The following USP24 variants were observed in gnomAD, a reference collection of about 807,000 sequenced individuals.
USP24 encodes ubiquitin carboxyl-terminal hydrolase 24.
A neutral mutation model predicts 361.6 loss-of-function variants in USP24; 97 were observed. That is an observed-to-expected ratio of 0.27 (90% CI 0.23 to 0.32). USP24 has a LOEUF of 0.32. Ranked by LOEUF, USP24 falls within the 10% of genes least tolerant of loss-of-function variation. The pLI is 1.00. For missense variants in USP24, 2,353 were observed against 3,165.6 expected (o/e 0.74, Z 6.16); for synonymous variants, 1,098 against 1,124.6 (o/e 0.98, Z 0.47).
chr1:55,102,113 T>C (rs6702290), intron 42 of USP24, among the ~76,000 whole-genome samples: 1 of 152,102 alleles, frequency 6.6e-6, no homozygotes, highest in Non-Finnish European at 1.5e-5. Context: ...CAAGCAAATG[T>C]CCTACTATAT....
intron 32 of USP24, 139 bp downstream of exon 32, chr1:55,129,338 C>G: frequency 1.7e-6 from 1 of 579,500 alleles, no homozygotes; most frequent in Non-Finnish European, 2.9e-6. Flanking sequence ...AGGACTGAAA[C>G]ATCATTCCTT....
intron 42 of USP24, among the ~76,000 whole-genome samples, chr1:55,103,119 T>A (rs1645680935): frequency 6.6e-6 from 1 of 152,226 alleles, no homozygotes; most frequent in Non-Finnish European, 1.5e-5. Context: ...ACCTGCAATA[T>A]ACTTCCCTCT....
chr1:55,110,738 A>C (rs1433194169), intron 38 of USP24, among the ~76,000 whole-genome samples: 2 of 152,124 alleles, frequency 1.3e-5, no homozygotes, highest in African/African-American at 2.4e-5. Context: ...ATGATCAAAG[A>C]AGCTTTTTCT....
intron 24 of USP24, among the ~76,000 whole-genome samples, chr1:55,139,722 T>C (rs57357765): frequency 0.059 from 8,951 of 152,268 alleles, 347 homozygotes; most frequent in African/African-American, 0.11. Context: ...AAAGAGGTAC[T>C]ACCATTTTTT....
chr1:55,176,496 C>T (rs751188158), intron 2 of USP24, 53 bp from the exon 3 acceptor site: 26 of 1,488,152 alleles, frequency 1.7e-5, no homozygotes, highest in Non-Finnish European at 2.3e-5. Flanking sequence ...CTCAGAAAGA[C>T]CTTAGTAAAA....
intron 26 of USP24, 75 bp from the exon 27 acceptor site, chr1:55,137,979 A>G: frequency 7.2e-7 from 1 of 1,390,714 alleles, no homozygotes; most frequent in Non-Finnish European, 9.9e-7. Context: ...GTGAACATCT[A>G]CTAGGTACTG....
chr1:55,103,130 C>T lies in USP24; in HGVS notation c.5025+746G>A, dbSNP rs373949350. Among the ~76,000 whole-genome samples the T allele has an allele frequency of 1.4e-4, 22 of 152,314 alleles. 1 individual carries two copies. In the South Asian group the frequency reaches 2.1e-3, roughly 14 times the overall value. ...GTGGACCTGCAATATACTTCCCTCT[C>T]GCAGATCCCAACATACACTAAGCTA... On this transcript the variant is annotated intron_variant, in intron 42 of 67. Transcript: ENST00000294383.
At chr1:55,213,635 T>C (rs975135822) in intron 1 of USP24, among the ~76,000 whole-genome samples, 15 of 152,236 alleles carry the variant, frequency 9.9e-5, no homozygotes, top group Non-Finnish European at 1.6e-4. Flanking sequence ...CAAGCTGCTC[T>C]ACTGGCCCCT....
chr1:55,202,685 G>A (rs1043334066), intron 1 of USP24, among the ~76,000 whole-genome samples: 4 of 152,138 alleles, frequency 2.6e-5, no homozygotes, highest in Non-Finnish European at 5.9e-5. Flanking sequence ...GATTACAGGC[G>A]TGAGCCACCA....
chr1:55,185,431 A>G (rs778819211), intron 1 of USP24, among the ~76,000 whole-genome samples: 1 of 151,896 alleles, frequency 6.6e-6, no homozygotes, highest in Non-Finnish European at 1.5e-5. Flanking sequence ...ATATATAATA[A>G]ATAAAACCAA....
chr1:55,172,788 TA>T, intron 3 of USP24, among the ~76,000 whole-genome samples: 1 of 152,206 alleles, frequency 6.6e-6, no homozygotes, highest in East Asian at 1.9e-4. Flanking sequence ...CTACTTTTCA[TA>T]ATTACAAGGG....
chr1:55,178,584 G>A (rs1157862071), intron 1 of USP24, among the ~76,000 whole-genome samples: 1 of 151,940 alleles, frequency 6.6e-6, no homozygotes, highest in Admixed American at 6.6e-5. Flanking sequence ...CAGGAGAATG[G>A]CGTGAACCCG....
chr1:55,178,784 G>C (rs1317368868), intron 1 of USP24, among the ~76,000 whole-genome samples: 5 of 152,074 alleles, frequency 3.3e-5, no homozygotes, highest in African/African-American at 4.8e-5. Context: ...CTAGCACTTT[G>C]GGAGGCTGAG....
intron 55 of USP24, chr1:55,086,367 A>T: frequency 3.2e-6 from 1 of 310,542 alleles, no homozygotes; most frequent in Non-Finnish European, 6.2e-6. Context: ...TGAAGGGAAT[A>T]CCTAGAGGAT....
Position 55,125,832 on chromosome 1 carries a change from T to A in USP24, c.3636-74A>T. On this transcript the variant is annotated intron_variant, in intron 32 of 67. Coordinates refer to ENST00000294383, the MANE Select transcript of USP24 (RefSeq NM_015306.3). Reference sequence around the variant, plus strand: ...TTCATTTTAAATTTTCCATAAGTAATGTAATCAGTCATCATCAATTACTTA... The same window carrying A: ...TTCATTTTAAATTTTCCATAAGTAAAGTAATCAGTCATCATCAATTACTTA... The A allele has an allele frequency of 4.0e-6, 5 of 1,247,674 alleles. No individual in the cohort carries two copies. In the South Asian group the frequency reaches 7.0e-5, roughly 17 times the overall value. The allele number at this position is 1,247,674 out of a possible 1,614,324, so 77.3% of individuals were successfully genotyped here.
chr1:55,177,851 A>G, intron 2 of USP24, 116 bp downstream of exon 2: 1 of 971,504 alleles, frequency 1.0e-6, no homozygotes. Flanking sequence ...AGTGAAGACT[A>G]AGAGAATAAA....
intron 21 of USP24, 123 bp downstream of exon 21, chr1:55,144,004 G>A: frequency 1.4e-6 from 1 of 718,090 alleles, no homozygotes; most frequent in Non-Finnish European, 2.2e-6. Context: ...TGGCAGTCAA[G>A]GAGATGCTGT....
chr1:55,121,579 T>G, intron 36 of USP24, 73 bp from the exon 37 acceptor site: 1 of 1,292,206 alleles, frequency 7.7e-7, no homozygotes, highest in Non-Finnish European at 1.1e-6. Flanking sequence ...TTGATTAATT[T>G]CTTAAGCTCA....
At chr1:55,190,105 C>T (rs1249147298) in intron 1 of USP24, among the ~76,000 whole-genome samples, 1 of 125,142 alleles carries the variant, frequency 8.0e-6, no homozygotes, top group Non-Finnish European at 1.6e-5. Flanking sequence ...GCGGAGGTTG[C>T]GGTGAGCCAA....
Sources: gnomAD v4.1 joint callset for allele counts (sites outside exome capture counted in the v4.1 genomes callset) on GRCh38, gnomAD v4.1.1 for gene constraint, MANE v1.5 for transcripts, NCBI Gene and HGNC (gene_info 2026-07-23, HGNC 2026-07-21) for gene names.